TARBP1: variants seen among roughly 807,000 people sequenced by gnomAD.
TARBP1 encodes tRNA (guanosine(18)-2'-O)-methyltransferase TARBP1.
Under a neutral mutation model 178.6 loss-of-function variants are expected in TARBP1, and 144 were observed. The ratio of observed to expected loss-of-function variants is 0.81; its 90% confidence interval spans 0.70 to 0.93. TARBP1 has a LOEUF of 0.93. TARBP1 is among the 40% of genes least tolerant of loss of function. The pLI, the probability that TARBP1 is intolerant of heterozygous loss-of-function variation, is 0.00. For missense variants in TARBP1, 2,067 were observed against 2,011.7 expected (o/e 1.03, Z -0.53); for synonymous variants, 787 against 781.0 (o/e 1.01, Z -0.13).
intron 28 of TARBP1, 48 bp downstream of exon 28, chr1:234,393,314 G>A (rs758903667): frequency 3.6e-6 from 5 of 1,408,188 alleles, no homozygotes; most frequent in Admixed American, 2.4e-5. Context: ...ACGGGTACAT[G>A]TGCGGGCTTG....
chr1:234,448,635 T>G lies in TARBP1; in HGVS notation c.1862-56A>C, dbSNP rs941833089. ...CATTAACAAAATCCTTCAAGGATGA[T>G]GCTTCAAAAAAACCCACTAAATGAT... On this transcript the variant is annotated intron_variant, in intron 10 of 29. Coordinates refer to ENST00000040877, the MANE Select transcript of TARBP1 (RefSeq NM_005646.4). 6.4e-6 allele frequency: 9 copies of G among 1,412,924 alleles called. No individual in the cohort carries two copies. In the African/African-American group the frequency reaches 1.3e-4, roughly 20 times the overall value. The allele number at this position is 1,412,924 out of a possible 1,614,324, so 87.5% of individuals were successfully genotyped here.
At chr1:234,438,440 G>T (rs1304997712) in intron 12 of TARBP1, among the ~76,000 whole-genome samples, 5 of 152,076 alleles carry the variant, frequency 3.3e-5, no homozygotes, top group African/African-American at 4.8e-5. Flanking sequence ...CCTCAGCAAA[G>T]AAACAGAAGA....
chr1:234,426,176 G>A (rs761419683), intron 19 of TARBP1, among the ~76,000 whole-genome samples: 4 of 152,158 alleles, frequency 2.6e-5, no homozygotes, highest in African/African-American at 7.2e-5. Flanking sequence ...CATCAAACAC[G>A]TCAATGGCCT....
At chr1:234,425,058 T>A (rs1663572389) in intron 20 of TARBP1, among the ~76,000 whole-genome samples, 1 of 136,924 alleles carries the variant, frequency 7.3e-6, no homozygotes, top group Admixed American at 7.6e-5. Flanking sequence ...CGAAACTCCG[T>A]CTCAAAAAAA....
At position 234,393,484 on chromosome 1, in the gene TARBP1, G is replaced by A. The variant is rs1449497327; in HGVS notation, c.4438C>T (p.Leu1480=). 3 of 1,591,354 alleles carry A rather than the reference G, an allele frequency of 1.9e-6. No individual in the cohort carries two copies. Among genetic ancestry groups the A allele is most frequent in the Non-Finnish European group, 2.6e-6 (3 of 1,168,658 alleles). The change falls in exon 28 of 30, where the codon CTG becomes TTG. Residue 1480 remains leucine, a splice_region_variant and synonymous_variant. Coordinates refer to ENST00000040877, the MANE Select transcript of TARBP1 (RefSeq NM_005646.4). ...CCAAATACCTCACAGGTCCTGCACAGTCCTGCACAGAACACCTGGGATCAT... is the reference window on the plus strand; with the variant it reads ...CCAAATACCTCACAGGTCCTGCACAATCCTGCACAGAACACCTGGGATCAT... The part of the protein sequence containing the change: ...LIDKPTNLGG[L]CRTCEVFGAS...
At chr1:234,404,304 T>A (rs1660997226) in intron 24 of TARBP1, among the ~76,000 whole-genome samples, 1 of 152,168 alleles carries the variant, frequency 6.6e-6, no homozygotes, top group African/African-American at 2.4e-5. Flanking sequence ...GGGGTAACTA[T>A]ACCCTCTGTC....
chr1:234,460,197 A>AAT, intron 7 of TARBP1, 64 bp downstream of exon 7: 6 of 1,497,132 alleles, frequency 4.0e-6, no homozygotes, highest in Non-Finnish European at 5.4e-6. Context: ...CAGAGGAGAA[A>AAT]ATATATATAT....
intron 2 of TARBP1, among the ~76,000 whole-genome samples, chr1:234,472,206 G>A (rs554450329): frequency 6.6e-6 from 1 of 152,028 alleles, no homozygotes; most frequent in South Asian, 2.1e-4. Context: ...TGTCGTGGCT[G>A]TAGTCCCAGC....
chr1:234,460,913 T>C (rs1018944688), intron 6 of TARBP1, among the ~76,000 whole-genome samples: 1 of 152,212 alleles, frequency 6.6e-6, no homozygotes, highest in South Asian at 2.1e-4. Flanking sequence ...GAAAATACTA[T>C]GCTAGTGAAA....
At chr1:234,409,153 G>A in intron 23 of TARBP1, among the ~76,000 whole-genome samples, 1 of 149,038 alleles carries the variant, frequency 6.7e-6, no homozygotes, top group Middle Eastern at 3.2e-3. Flanking sequence ...TGTCAAGTCA[G>A]TTTTTTTTTT....
At chr1:234,463,189 T>A (rs905718882) in intron 6 of TARBP1, among the ~76,000 whole-genome samples, 4 of 152,118 alleles carry the variant, frequency 2.6e-5, no homozygotes, top group Admixed American at 2.6e-4. Flanking sequence ...AGTGGCACAA[T>A]CTTGGCTCAC....
Position 234,427,715 on chromosome 1 carries a change from T to C in TARBP1, c.3112A>G (p.Thr1038Ala), listed in dbSNP as rs745318519. 6.6e-7 allele frequency: 1 copy of C among 1,523,086 alleles called. No homozygotes were observed. Among genetic ancestry groups the C allele is most frequent in the South Asian group, 1.3e-5 (1 of 75,150 alleles). 94.3% of individuals were successfully genotyped at this position (1,523,086 alleles called of 1,614,324 possible). Residue 1038 changes from threonine (T) to alanine (A), a missense_variant, in exon 18 of 30, where the codon ACA becomes GCA. Thr to Ala is a moderately conservative substitution (Grantham distance 58, BLOSUM62 0). Coordinates refer to ENST00000040877, the MANE Select transcript of TARBP1 (RefSeq NM_005646.4). ...GACTGACAGCAGTAACTTATCAGTG[T>C]ATTGAAGACTCCAGTCTTTATAGCA... is the stretch of plus-strand genomic sequence containing the variant. Reference protein sequence around the residue: ...MSAIKTGVFNTLISYCCQSWI... With the variant: ...MSAIKTGVFNALISYCCQSWI...
intron 12 of TARBP1, among the ~76,000 whole-genome samples, chr1:234,440,494 C>G (rs1249117075): frequency 6.6e-6 from 1 of 152,042 alleles, no homozygotes; most frequent in Non-Finnish European, 1.5e-5. Context: ...AGCACGCACA[C>G]ACACACACAC....
chr1:234,450,166 C>T (rs1421234036), intron 10 of TARBP1, among the ~76,000 whole-genome samples: 1 of 134,490 alleles, frequency 7.4e-6, no homozygotes, highest in Non-Finnish European at 1.6e-5. Flanking sequence ...ACTTTGCATC[C>T]ACTTCTTAAC....
chr1:234,477,254 G>A (rs939593377), intron 1 of TARBP1, among the ~76,000 whole-genome samples: 1 of 152,152 alleles, frequency 6.6e-6, no homozygotes, highest in African/African-American at 2.4e-5. Flanking sequence ...TTTAATTTTT[G>A]ATGATTTAAA....
rs766084833 is a variant in TARBP1, at chr1:234,429,267, T to A, written c.2929A>T (p.Ile977Leu). 9 of 1,603,636 alleles carry A rather than the reference T, an allele frequency of 5.6e-6. No individual in the cohort carries two copies. The highest frequency in any genetic ancestry group is 7.6e-6 in the Non-Finnish European group (9 of 1,177,642). The change falls in exon 17 of 30, where the codon ATA becomes TTA. Residue 977 changes from isoleucine to leucine, a missense_variant. Coordinates refer to ENST00000040877, the MANE Select transcript of TARBP1 (RefSeq NM_005646.4). ...IESFDMAWKI[I>L]SSLSNTQLIF... Reference sequence around the variant, plus strand: ...AGCTGAGTGTTGCTTAAAGAAGATATAATTTTCCACGCCATGTCAAAAGAC... The same window carrying A: ...AGCTGAGTGTTGCTTAAAGAAGATAAAATTTTCCACGCCATGTCAAAAGAC...
Position 234,423,416 on chromosome 1 carries a change from G to T in TARBP1, c.3444+2257C>A, listed in dbSNP as rs375670160. On this transcript the variant is annotated intron_variant, in intron 20 of 29. Transcript: ENST00000040877. ...TAAAAAGCCCCTTCTTTAACTCCAG[G>T]TTCCCCTCCAGGAACGACCCCTGTT... Among the ~76,000 whole-genome samples, 16 of 151,990 alleles carry T rather than the reference G, an allele frequency of 1.1e-4. No homozygotes were observed. The East Asian group carries it at 1.9e-3, about 18-fold the overall frequency.
chr1:234,432,411 G>C (rs890544373), intron 14 of TARBP1, among the ~76,000 whole-genome samples: 17 of 152,016 alleles, frequency 1.1e-4, no homozygotes, highest in Admixed American at 9.8e-4. Context: ...CACTGCACTC[G>C]GTCTGGGTGA....
rs537841535 is a variant in TARBP1 at position 234,420,785 on chromosome 1, G to A, written c.3472C>T (p.Arg1158Cys). The A allele has an allele frequency of 8.1e-6, 13 of 1,610,246 alleles. No individual in the cohort carries two copies. Among genetic ancestry groups the A allele is most frequent in the Admixed American group, 1.7e-5 (1 of 59,442 alleles). Reference sequence around the variant, plus strand: ...TGCTGTAGAGAATTCACATAGTAGCGTTTTTTGGACTTGGACACTAATTCA... The same window carrying A: ...TGCTGTAGAGAATTCACATAGTAGCATTTTTTGGACTTGGACACTAATTCA... ...KDELVSKSKK[R>C]YYVNSLQHRV... The change falls in exon 21 of 30, where the codon CGC becomes TGC. Residue 1158 changes from arginine to cysteine, a missense_variant. Transcript: ENST00000040877.
Sources: gnomAD v4.1 joint callset for allele counts (sites outside exome capture counted in the v4.1 genomes callset) on GRCh38, gnomAD v4.1.1 for gene constraint, MANE v1.5 for transcripts, NCBI Gene and HGNC (gene_info 2026-07-23, HGNC 2026-07-21) for gene names.